The following HTR2C variants were observed in gnomAD, a reference collection of about 807,000 sequenced individuals.
HTR2C encodes 5-hydroxytryptamine receptor 2C.
In HTR2C, 5 loss-of-function variants were observed where a neutral mutation model predicts 21.0. That is an observed-to-expected ratio of 0.24 (90% CI 0.12 to 0.50). The LOEUF is 0.50. Ranked by LOEUF, HTR2C falls within the 20% of genes least tolerant of loss-of-function variation. The pLI is 0.98. For missense variants in HTR2C, 271 were observed against 371.2 expected, an observed-to-expected ratio of 0.73 and a Z score of 2.22; for synonymous variants, 150 against 145.3, an observed-to-expected ratio of 1.03 and a Z score of -0.23.
intron 4 of HTR2C, among the ~76,000 whole-genome samples, chrX:114,824,093 G>A (rs2070659003): frequency 8.9e-6 from 1 of 112,090 alleles, no homozygotes; most frequent in Non-Finnish European, 1.9e-5. Flanking sequence ...AAATTGAGCA[G>A]AAACAGTCTA....
chrX:114,657,959 T>C (rs782393726), intron 2 of HTR2C, among the ~76,000 whole-genome samples: 6 of 111,243 alleles, frequency 5.4e-5, no homozygotes, highest in Non-Finnish European at 9.5e-5. Flanking sequence ...CTAATCTATC[T>C]AGAATAAAAA....
At chrX:114,764,319 A>G (rs2069913466) in intron 4 of HTR2C, among the ~76,000 whole-genome samples, 1 of 107,164 alleles carries the variant, frequency 9.3e-6, no homozygotes, top group Non-Finnish European at 1.9e-5. Context: ...AATCTCTTGA[A>G]CCCAGGAGGT....
chrX:114,600,228 ATCTG>A lies in HTR2C; in HGVS notation c.-146-13583_-146-13580del, dbSNP rs782223387. Reference sequence around the variant, plus strand: ...GCGTTGAGCCAAGATTCAAACCCATATCTGTCTAATTACAAAGGTTGTGTGCTCT... The same window carrying A: ...GCGTTGAGCCAAGATTCAAACCCATATCTAATTACAAAGGTTGTGTGCTCT... On this transcript the variant is annotated intron_variant, in intron 1 of 5. Transcript: ENST00000276198. 2.6e-3 allele frequency among the ~76,000 whole-genome samples: 291 copies of A among 112,535 alleles called. 2 individuals carry two copies. The highest frequency in any genetic ancestry group is 9.0e-3 in the African/African-American group (281 of 31,055).
intron 2 of HTR2C, among the ~76,000 whole-genome samples, chrX:114,667,239 ATTAT>A (rs1416808570): frequency 1.8e-5 from 2 of 111,281 alleles, no homozygotes; most frequent in Non-Finnish European, 3.8e-5. Context: ...ATAAAAATTA[ATTAT>A]TTATGCAGAG....
At chrX:114,668,471 G>A (rs781808270) in intron 2 of HTR2C, among the ~76,000 whole-genome samples, 1 of 111,425 alleles carries the variant, frequency 9.0e-6, no homozygotes, top group Non-Finnish European at 1.9e-5. Context: ...TGCTGTGAGG[G>A]AAGCCATCCT....
chrX:114,851,562 A>AGT (rs2070918046), intron 5 of HTR2C, among the ~76,000 whole-genome samples: 1 of 111,359 alleles, frequency 9.0e-6, no homozygotes, highest in South Asian at 3.8e-4. Context: ...ACTGTAAGGA[A>AGT]GTGTTTTCCC....
intron 2 of HTR2C, among the ~76,000 whole-genome samples, chrX:114,664,413 CA>C (rs782046565): frequency 1.8e-5 from 2 of 111,600 alleles, no homozygotes; most frequent in East Asian, 5.7e-4. Context: ...TGTTTCCACC[CA>C]TGTGTCCATG....
intron 2 of HTR2C, among the ~76,000 whole-genome samples, chrX:114,614,811 A>G (rs782437406): frequency 8.9e-6 from 1 of 111,766 alleles, no homozygotes; most frequent in Non-Finnish European, 1.9e-5. Context: ...GAGCATGATT[A>G]TTTGATTGGG....
intron 2 of HTR2C, among the ~76,000 whole-genome samples, chrX:114,726,141 A>C (rs1556421902): frequency 1.8e-5 from 2 of 112,144 alleles, no homozygotes; most frequent in Non-Finnish European, 3.8e-5. Context: ...GTTTGATCTC[A>C]GACTGCTGTG....
chrX:114,853,634 T>TA (rs1289523775), intron 5 of HTR2C, among the ~76,000 whole-genome samples: 4 of 112,018 alleles, frequency 3.6e-5, no homozygotes, highest in Admixed American at 2.9e-4. Context: ...ATCTTTATAG[T>TA]ATATTAAATA....
At chrX:114,822,553 T>C (rs1389832561) in intron 4 of HTR2C, among the ~76,000 whole-genome samples, 2 of 112,323 alleles carry the variant, frequency 1.8e-5, no homozygotes, top group African/African-American at 6.5e-5. Context: ...TCCATTCAAC[T>C]CTGAAGAAAA....
intron 2 of HTR2C, among the ~76,000 whole-genome samples, chrX:114,670,548 A>G (rs1931342234): frequency 8.9e-6 from 1 of 112,238 alleles, no homozygotes; most frequent in Admixed American, 9.5e-5. Context: ...CAAATGCAAA[A>G]TGCATTCTTA....
At chrX:114,833,616 A>G (rs782030659) in intron 4 of HTR2C, among the ~76,000 whole-genome samples, 4,086 of 108,922 alleles carry the variant, frequency 0.038, 225 homozygotes, top group African/African-American at 0.13. Flanking sequence ...TCTTGCTAGC[A>G]GTCTATCAAT....
chrX:114,788,471 A>C (rs782600382), intron 4 of HTR2C, among the ~76,000 whole-genome samples: 14 of 110,501 alleles, frequency 1.3e-4, no homozygotes, highest in African/African-American at 4.3e-4. Context: ...TATGTTGGCC[A>C]GGCTGGTCTC....
chrX:114,693,952 T>C (rs974051662), intron 2 of HTR2C, among the ~76,000 whole-genome samples: 5 of 111,516 alleles, frequency 4.5e-5, no homozygotes, highest in Non-Finnish European at 9.4e-5. Context: ...GAAGTCTCTC[T>C]ACCTATGAAA....
chrX:114,604,759 G>A lies in HTR2C; in HGVS notation c.-146-9056G>A, dbSNP rs189186339. ...GGCCTGGTGGTCAGATTTCTGGCAC[G>A]TGTAGCAAGCTCCTGTGGGAGGAGG... is the stretch of plus-strand genomic sequence containing the variant. On this transcript the variant is annotated intron_variant, in intron 1 of 5. Coordinates refer to ENST00000276198, the MANE Select transcript of HTR2C (RefSeq NM_000868.4). Among the ~76,000 whole-genome samples the A allele has an allele frequency of 1.0e-3, 113 of 110,545 alleles. No homozygotes were observed. The East Asian group carries it at 0.028, about 28-fold the overall frequency.
chrX:114,745,818 G>T (rs989305506), intron 4 of HTR2C, among the ~76,000 whole-genome samples: 2 of 111,613 alleles, frequency 1.8e-5, no homozygotes, highest in East Asian at 2.8e-4. Flanking sequence ...AGGGTAGTGG[G>T]GGGGGATGGG....
At chrX:114,634,311 A>G (rs1556404888) in intron 2 of HTR2C, among the ~76,000 whole-genome samples, 1 of 110,919 alleles carries the variant, frequency 9.0e-6, no homozygotes, top group African/African-American at 3.3e-5. Flanking sequence ...CAATGCTAAA[A>G]TGATTAAAAC....
chrX:114,636,068 G>GTT (rs199651941), intron 2 of HTR2C, among the ~76,000 whole-genome samples: 33 of 91,782 alleles, frequency 3.6e-4, no homozygotes, highest in African/African-American at 8.7e-4. Context: ...CTGTGCAATG[G>GTT]TTTTTTTTTT....
Sources: allele counts gnomAD v4.1 joint callset (sites outside exome capture counted in the v4.1 genomes callset), GRCh38; gene constraint gnomAD v4.1.1; transcripts MANE v1.5; gene names NCBI Gene and HGNC (gene_info 2026-07-23, HGNC 2026-07-21).